The following EEFSEC variants were observed in gnomAD, a reference collection of about 807,000 sequenced individuals.
EEFSEC encodes selenocysteine-specific elongation factor.
A neutral mutation model predicts 42.1 loss-of-function variants in EEFSEC; 43 were observed. The ratio of observed to expected loss-of-function variants is 1.02; its 90% CI spans 0.80 to 1.32. The LOEUF is 1.32. Among genes scored for constraint, EEFSEC ranks in the 40% most tolerant of loss-of-function variants. The pLI is 0.00. For missense variants in EEFSEC, 745 were observed against 803.6 expected, an observed-to-expected ratio of 0.93 and a Z score of 0.88; for synonymous variants, 354 against 339.1, an observed-to-expected ratio of 1.04 and a Z score of -0.48.
chr3:128,322,660 G>A (rs1011123570), intron 4 of EEFSEC, among the ~76,000 whole-genome samples: 8 of 152,206 alleles, frequency 5.3e-5, no homozygotes, highest in African/African-American at 1.9e-4. Context: ...TGAGAGTAGC[G>A]GCTGAGCTGA....
chr3:128,262,427 T>C (rs1253866858), intron 3 of EEFSEC, among the ~76,000 whole-genome samples: 2 of 152,232 alleles, frequency 1.3e-5, no homozygotes, highest in African/African-American at 4.8e-5. Context: ...ACTCCTAAGG[T>C]TCACTGAAGC....
At chr3:128,207,671 G>A (rs2065713229) in intron 1 of EEFSEC, among the ~76,000 whole-genome samples, 1 of 151,778 alleles carries the variant, frequency 6.6e-6, no homozygotes, top group Admixed American at 6.6e-5. Context: ...TTCCATGTTG[G>A]CATTCAAAGC....
intron 2 of EEFSEC, among the ~76,000 whole-genome samples, chr3:128,252,329 G>A (rs558951210): frequency 1.3e-5 from 2 of 152,128 alleles, no homozygotes; most frequent in Non-Finnish European, 2.9e-5. Flanking sequence ...GTGCTTGGGC[G>A]ACTCACTCCA....
At chr3:128,202,307 A>G (rs2065651770) in intron 1 of EEFSEC, among the ~76,000 whole-genome samples, 1 of 152,216 alleles carries the variant, frequency 6.6e-6, no homozygotes, top group South Asian at 2.1e-4. Context: ...AACAATATTG[A>G]GTTTTCCAAT....
At chr3:128,425,455 C>T in the EEFSEC span, among the ~76,000 whole-genome samples, 2 of 152,162 alleles carry the variant, frequency 1.3e-5, no homozygotes, top group Non-Finnish European at 2.9e-5. Flanking sequence ...ACTAAAGCTG[C>T]TCCGAACACT....
chr3:128,294,084 A>G (rs2066676581), intron 4 of EEFSEC, among the ~76,000 whole-genome samples: 1 of 152,162 alleles, frequency 6.6e-6, no homozygotes, highest in Non-Finnish European at 1.5e-5. Flanking sequence ...TCCAGAGGAG[A>G]GAGCCAGCTC....
chr3:128,339,525 C>T (rs1361914980), intron 4 of EEFSEC, among the ~76,000 whole-genome samples: 3 of 152,210 alleles, frequency 2.0e-5, no homozygotes, highest in African/African-American at 7.2e-5. Flanking sequence ...TTGTTCATTT[C>T]AGGAACTTTT....
At chr3:128,176,602 A>G (rs185453855) in intron 1 of EEFSEC, among the ~76,000 whole-genome samples, 43 of 152,328 alleles carry the variant, frequency 2.8e-4, no homozygotes, top group African/African-American at 1.0e-3. Context: ...GAAATAATTT[A>G]TGCATTAATA....
the EEFSEC span, among the ~76,000 whole-genome samples, chr3:128,418,510 C>A: frequency 6.6e-6 from 1 of 151,820 alleles, no homozygotes; most frequent in Admixed American, 6.6e-5. Context: ...CCAGGCCAGG[C>A]TACTCCCTGG....
chr3:128,267,081 TG>T (rs2066362308), intron 4 of EEFSEC, among the ~76,000 whole-genome samples: 1 of 151,756 alleles, frequency 6.6e-6, no homozygotes, highest in Non-Finnish European at 1.5e-5. Flanking sequence ...GAGGGCTCTC[TG>T]GGGGGTGGGG....
intron 1 of EEFSEC, among the ~76,000 whole-genome samples, chr3:128,227,373 C>G (rs1168090393): frequency 6.6e-6 from 1 of 152,118 alleles, no homozygotes; most frequent in Non-Finnish European, 1.5e-5. Flanking sequence ...CTTAGGTCCA[C>G]TCTCGCAGGC....
rs545212220 is a variant in EEFSEC, at chr3:128,174,612, C to G, written c.316+20789C>G. Among the ~76,000 whole-genome samples the G allele has an allele frequency of 4.6e-5, 7 of 152,318 alleles. No homozygotes were observed. In the South Asian group the frequency reaches 1.2e-3, roughly 27 times the overall value. Reference sequence around the variant, plus strand: ...ATTGGAATCTTGGCCCTTCTGCTGGCTTTTTGTATTACTGTGGACGTGTAG... The same window carrying G: ...ATTGGAATCTTGGCCCTTCTGCTGGGTTTTTGTATTACTGTGGACGTGTAG... On this transcript the variant is annotated intron_variant, in intron 1 of 6. Coordinates refer to ENST00000254730, the MANE Select transcript of EEFSEC (RefSeq NM_021937.5).
At chr3:128,358,669 T>C (rs972872557) in intron 6 of EEFSEC, among the ~76,000 whole-genome samples, 2 of 152,174 alleles carry the variant, frequency 1.3e-5, no homozygotes, top group African/African-American at 2.4e-5. Context: ...TTGGTTTCTC[T>C]GTGGAGGCGG....
chr3:128,283,142 GC>G (rs2066546211), intron 4 of EEFSEC, among the ~76,000 whole-genome samples: 1 of 152,230 alleles, frequency 6.6e-6, no homozygotes, highest in African/African-American at 2.4e-5. Context: ...TTGCTCCCTT[GC>G]CCCTTTGGGG....
intron 5 of EEFSEC, among the ~76,000 whole-genome samples, chr3:128,354,675 T>C (rs924240029): frequency 1.3e-5 from 2 of 152,258 alleles, no homozygotes; most frequent in African/African-American, 4.8e-5. Flanking sequence ...ATAAAATTAG[T>C]CTGCCCTCAT....
At position 128,323,977 on chromosome 3, in the gene EEFSEC, C is replaced by G. The variant is rs142635405; in HGVS notation, c.787-17256C>G. On this transcript the variant is annotated intron_variant, in intron 4 of 6. Transcript: ENST00000254730. ...CTGAGGCTTGCTGCAGAAACCAGAC[C>G]GTTGAAGGGGCGGTGGGCTCCCCAC... is the stretch of plus-strand genomic sequence containing the variant. Among the ~76,000 whole-genome samples the G allele has an allele frequency of 9.7e-4, 148 of 152,218 alleles. 2 individuals are homozygous for G. In the South Asian group the frequency reaches 0.011, roughly 12 times the overall value.
intron 1 of EEFSEC, among the ~76,000 whole-genome samples, chr3:128,188,365 G>C (rs2065485657): frequency 6.6e-6 from 1 of 152,182 alleles, no homozygotes; most frequent in African/African-American, 2.4e-5. Context: ...GGCAGGCTGA[G>C]GGGGTGGCAG....
intron 1 of EEFSEC, among the ~76,000 whole-genome samples, chr3:128,183,624 C>G (rs1010886225): frequency 3.3e-5 from 5 of 152,176 alleles, no homozygotes; most frequent in African/African-American, 1.2e-4. Context: ...CTTTGTAAAA[C>G]ATTGATAGCA....
chr3:128,354,465 C>G (rs1023456416), intron 5 of EEFSEC, among the ~76,000 whole-genome samples: 2 of 152,198 alleles, frequency 1.3e-5, no homozygotes, highest in African/African-American at 4.8e-5. Flanking sequence ...CCGAGCTGCA[C>G]CACACACCAG....
Sources: allele counts gnomAD v4.1 joint callset (sites outside exome capture counted in the v4.1 genomes callset), GRCh38; gene constraint gnomAD v4.1.1; transcripts MANE v1.5; gene names NCBI Gene and HGNC (gene_info 2026-07-23, HGNC 2026-07-21).